The following MACF1 variants were observed in gnomAD, a reference collection of about 807,000 sequenced individuals.
The protein encoded by MACF1 is microtubule actin crosslinking factor 1.
In MACF1, 193 loss-of-function variants were observed where a neutral mutation model predicts 854.8. The ratio of observed to expected loss-of-function variants is 0.23; its 90% CI spans 0.20 to 0.25. The LOEUF is 0.25. Ranked by LOEUF, MACF1 falls within the 10% of genes least tolerant of loss-of-function variation. MACF1 has a pLI of 1.00. For missense variants in MACF1, 7,722 were observed against 8,929.1 expected (o/e 0.86, Z 5.45); for synonymous variants, 3,185 against 3,226.7 (o/e 0.99, Z 0.44).
chr1:39,458,131 A>G (rs1198676073), intron 89 of MACF1: 1 of 421,392 alleles, frequency 2.4e-6, no homozygotes, highest in Non-Finnish European at 4.3e-6. Flanking sequence ...ATTTGCCCCC[A>G]TAACTCAATC....
In MACF1 at chr1:39,369,019, TA is replaced by T. The variant is rs749772669; in HGVS notation, c.12938+708del. Among the ~76,000 whole-genome samples the T allele has an allele frequency of 5.9e-4, 87 of 147,940 alleles. 2 individuals carry two copies. The highest frequency in any genetic ancestry group is 7.2e-4 in the Non-Finnish European group (48 of 66,712). ...CCTGGCTTTTTTTTTTTTTTTTTTT[TA>T]AAGATATGGGGTCTTGCTATGTTGA... On this transcript the variant is annotated intron_variant, in intron 50 of 100. Coordinates refer to ENST00000564288, the MANE Select transcript of MACF1 (RefSeq NM_001394062.1).
chr1:39,351,488 CT>C (rs1364963649), intron 43 of MACF1, among the ~76,000 whole-genome samples: 1 of 151,256 alleles, frequency 6.6e-6, no homozygotes, highest in Non-Finnish European at 1.5e-5. Context: ...AAACATCTTG[CT>C]ATCTGTATAC....
intron 40 of MACF1, among the ~76,000 whole-genome samples, chr1:39,346,301 G>A (rs1186831784): frequency 1.3e-5 from 2 of 151,992 alleles, no homozygotes; most frequent in African/African-American, 4.8e-5. Context: ...GGCAGAGCTT[G>A]CAGTGAGCCG....
chr1:39,174,562 G>T (rs1643999612), intron 2 of MACF1, among the ~76,000 whole-genome samples: 1 of 152,140 alleles, frequency 6.6e-6, no homozygotes, highest in African/African-American at 2.4e-5. Flanking sequence ...CAAAGGGAAA[G>T]ATTTATTCTC....
rs1571270703 is a variant in MACF1, at chr1:39,287,451, C to T, written c.1674C>T (p.Ser558=). The change falls in exon 15 of 101, where the codon TCC becomes TCT. Residue 558 remains serine (S), a synonymous_variant. Coordinates refer to ENST00000564288, the MANE Select transcript of MACF1 (RefSeq NM_001394062.1). ...AGGCAACCCATTCTTCTTCTACCTC[C>T]TGGTTCCGAAAGCCTATGACTCGGG... ...LTKATHSSST[S]WFRKPMTRAE... The T allele has an allele frequency of 3.7e-6, 6 of 1,614,184 alleles. No homozygotes were observed. Among genetic ancestry groups the T allele is most frequent in the Non-Finnish European group, 5.1e-6 (6 of 1,180,038 alleles).
chr1:39,129,703 C>A (rs2148169045), intron 2 of MACF1, among the ~76,000 whole-genome samples: 1 of 152,268 alleles, frequency 6.6e-6, no homozygotes, highest in South Asian at 2.1e-4. Flanking sequence ...TAGTGTAAAA[C>A]CTCTTGTTTC....
intron 15 of MACF1, among the ~76,000 whole-genome samples, chr1:39,288,517 A>G (rs1201411381): frequency 6.7e-6 from 1 of 149,220 alleles, no homozygotes; most frequent in Non-Finnish European, 1.5e-5. Flanking sequence ...AAAAAAGTAC[A>G]GGCTGGGCGT....
Position 39,253,231 on chromosome 1 carries a change from G to A in MACF1, c.358-1067G>A, listed in dbSNP as rs554330337. Among the ~76,000 whole-genome samples, 833 of 152,272 alleles carry A rather than the reference G, an allele frequency of 5.5e-3. 5 individuals are homozygous for A. Among genetic ancestry groups the A allele is most frequent in the Non-Finnish European group, 7.1e-3 (485 of 68,024 alleles). ...TTGGACGGGGTACCAGAGGCACTGG[G>A]TAGAGATGGGGTTCTCTCCAGTGGG... On this transcript the variant is annotated intron_variant, in intron 4 of 100. Coordinates refer to ENST00000564288, the MANE Select transcript of MACF1 (RefSeq NM_001394062.1).
intron 2 of MACF1, among the ~76,000 whole-genome samples, chr1:39,093,371 A>G (rs770874481): frequency 2.2e-4 from 30 of 135,934 alleles, no homozygotes; most frequent in Non-Finnish European, 4.1e-4. Context: ...GCTGGAGTGC[A>G]ATGGCTCAAT....
chr1:39,161,895 T>TAAA (rs35781962), intron 2 of MACF1, among the ~76,000 whole-genome samples: 10 of 143,500 alleles, frequency 7.0e-5, no homozygotes, highest in Middle Eastern at 3.2e-3. Context: ...TAAAATAAAT[T>TAAA]AAAAAAAAAA....
chr1:39,219,761 C>T (rs899935549), intron 1 of MACF1, among the ~76,000 whole-genome samples: 5 of 152,076 alleles, frequency 3.3e-5, no homozygotes, highest in African/African-American at 1.2e-4. Flanking sequence ...GAAAAGCAGT[C>T]TTTTTTTGAG....
In MACF1 at chr1:39,387,695, G is replaced by A. The variant is rs1327800483; in HGVS notation, c.14853G>A (p.Glu4951=). 16 of 1,614,036 alleles carry A rather than the reference G, an allele frequency of 9.9e-6. No individual in the cohort carries two copies. The East Asian group carries it at 3.3e-4, about 34-fold the overall frequency. ...TAAGATCAAAGGCTATGCTGAATGA[G>A]GTGGAGAAGCGCCGCTCCCTGCTGG... is the stretch of plus-strand genomic sequence containing the variant. ...SLLRSKAMLN[E]VEKRRSLLEI... The change falls in exon 58 of 101, where the codon GAG becomes GAA. Residue 4951 remains glutamate, a synonymous_variant. Transcript: ENST00000564288.
intron 56 of MACF1, among the ~76,000 whole-genome samples, chr1:39,382,373 T>G (rs1011908420): frequency 6.6e-6 from 1 of 151,980 alleles, no homozygotes; most frequent in South Asian, 2.1e-4. Flanking sequence ...TGAGTAGATA[T>G]GAGAATGGGG....
intron 49 of MACF1, among the ~76,000 whole-genome samples, chr1:39,367,068 C>CT (rs1648783182): frequency 6.6e-6 from 1 of 151,318 alleles, no homozygotes; most frequent in Non-Finnish European, 1.5e-5. Flanking sequence ...CTGCCTTAGC[C>CT]TCCCAAGCAG....
At chr1:39,435,932 T>C in intron 70 of MACF1, 171 bp downstream of exon 70, 1 of 609,672 alleles carries the variant, frequency 1.6e-6, no homozygotes, top group Non-Finnish European at 2.9e-6. Context: ...CAAGGAACAT[T>C]GGCATACTGA....
At chr1:39,466,175 G>C (rs1021207131) in intron 95 of MACF1, among the ~76,000 whole-genome samples, 1 of 152,216 alleles carries the variant, frequency 6.6e-6, no homozygotes, top group Non-Finnish European at 1.5e-5. Context: ...CCAAGTCTCT[G>C]TAAGAGGTTT....
At position 39,481,032 on chromosome 1, in the gene MACF1, T is replaced by G; in HGVS notation, c.22281+2T>G. ...GACCTCCAGCTGCCCACCCCCGAGG[T>G]AGAGTATGGCTTTGCTGACTGAGGA... On this transcript the variant is annotated splice_donor_variant, in intron 99 of 100. Transcript: ENST00000564288. LOFTEE classifies it high-confidence loss of function. 6.5e-7 allele frequency: 1 copy of G among 1,542,678 alleles called. No homozygotes were observed. Among genetic ancestry groups the G allele is most frequent in the Non-Finnish European group, 8.8e-7 (1 of 1,139,882 alleles).
At position 39,442,177 on chromosome 1, in the gene MACF1, A is replaced by C; in HGVS notation, c.18805A>C (p.Ile6269Leu). 3 of 1,596,412 alleles carry C rather than the reference A, an allele frequency of 1.9e-6. No individual in the cohort carries two copies. The highest frequency in any genetic ancestry group is 2.6e-6 in the Non-Finnish European group (3 of 1,173,832). ...CAAAGTAGAAGTTTACCAACAGCAA[A>C]TTGAGATGGAGAAGCTTAATCACCA... Reference protein sequence around the residue: ...EFKVEVYQQQIEMEKLNHQGE... With the variant: ...EFKVEVYQQQLEMEKLNHQGE... The change falls in exon 76 of 101, where the codon ATT (isoleucine) becomes CTT (leucine). Residue 6269 changes from isoleucine (I) to leucine (L), a missense_variant. Ile to Leu is a conservative substitution (Grantham distance 5). Coordinates refer to ENST00000564288, the MANE Select transcript of MACF1 (RefSeq NM_001394062.1).
rs772930478 is a variant in MACF1, at chr1:39,424,068, A to G, written c.16190A>G (p.Asp5397Gly). Residue 5397 changes from aspartate (D) to glycine (G), a missense_variant, in exon 61 of 101, where the codon GAC becomes GGC. Asp to Gly is a moderately conservative substitution (Grantham distance 94). Coordinates refer to ENST00000564288, the MANE Select transcript of MACF1 (RefSeq NM_001394062.1). ...CTAGATGATCGAAAGGCCACAGTAG[A>G]CATGCTTCAAGCAGAAGGAGGCAGA... is the stretch of plus-strand genomic sequence containing the variant. ...RLLDDRKATV[D>G]MLQAEGGRIA... is the part of the protein sequence containing the mutation. 16 of 1,611,898 alleles carry G rather than the reference A, an allele frequency of 9.9e-6. No individual in the cohort carries two copies. The highest frequency in any genetic ancestry group is 4.2e-6 in the Non-Finnish European group (5 of 1,179,716).
Sources: allele counts gnomAD v4.1 joint callset (sites outside exome capture counted in the v4.1 genomes callset), GRCh38; gene constraint gnomAD v4.1.1; transcripts MANE v1.5; gene names NCBI Gene and HGNC (gene_info 2026-07-23, HGNC 2026-07-21).